The following RPS6KC1 variants were observed in gnomAD, a reference collection of about 807,000 sequenced individuals.
RPS6KC1 encodes the protein inactive ribosomal protein S6 kinase delta-1.
Under a neutral mutation model 103.8 loss-of-function variants are expected in RPS6KC1, and 54 were observed. The observed-to-expected ratio is 0.52, with a 90% CI of 0.42 to 0.65. The LOEUF is 0.65. RPS6KC1 is among the 30% of genes least tolerant of loss of function. The probability of loss-of-function intolerance (pLI) is 0.00; values close to 1 mark genes in which losing one functional copy is unlikely to be tolerated. For missense variants in RPS6KC1, 1,151 were observed against 1,253.8 expected (o/e 0.92, Z 1.24); for synonymous variants, 439 against 438.7 (o/e 1.00, Z -0.01).
chr1:213,237,701 A>G (rs1183024097), intron 10 of RPS6KC1, among the ~76,000 whole-genome samples: 1 of 152,118 alleles, frequency 6.6e-6, no homozygotes, highest in Non-Finnish European at 1.5e-5. Flanking sequence ...TAGAAAAACA[A>G]TAGACTTAAA....
intron 8 of RPS6KC1, among the ~76,000 whole-genome samples, chr1:213,191,238 A>G (rs2817976): frequency 0.73 from 111,038 of 152,042 alleles, 41,380 homozygotes; most frequent in African/African-American, 0.88. Flanking sequence ...CCTTTAGTGT[A>G]GTTATTTTAA....
At chr1:213,061,093 C>T (rs764075826) in intron 1 of RPS6KC1, among the ~76,000 whole-genome samples, 3 of 152,092 alleles carry the variant, frequency 2.0e-5, no homozygotes, top group East Asian at 1.9e-4. Flanking sequence ...TTCTTGTAAG[C>T]GCAGTAATCC....
chr1:213,611,843 A>G, the RPS6KC1 span, among the ~76,000 whole-genome samples: 9 of 152,304 alleles, frequency 5.9e-5, no homozygotes, highest in African/African-American at 1.9e-4. Context: ...TGTTATCACT[A>G]TTATAAGGTG....
At chr1:213,770,131 A>T in the RPS6KC1 span, among the ~76,000 whole-genome samples, 1 of 152,204 alleles carries the variant, frequency 6.6e-6, no homozygotes, top group Non-Finnish European at 1.5e-5. Context: ...TGGGTTTTTT[A>T]AAATTCCTGA....
At chr1:213,604,129 C>A in the RPS6KC1 span, among the ~76,000 whole-genome samples, 1 of 152,186 alleles carries the variant, frequency 6.6e-6, no homozygotes, top group African/African-American at 2.4e-5. Flanking sequence ...AAATGACAAT[C>A]AGCTAGACTC....
the RPS6KC1 span, among the ~76,000 whole-genome samples, chr1:213,312,329 A>G: frequency 6.6e-5 from 10 of 152,096 alleles, no homozygotes; most frequent in African/African-American, 2.4e-4. Flanking sequence ...GCAGAAAATG[A>G]CTTGAGGTGA....
At chr1:213,737,521 T>A in the RPS6KC1 span, among the ~76,000 whole-genome samples, 3 of 152,196 alleles carry the variant, frequency 2.0e-5, no homozygotes, top group Non-Finnish European at 4.4e-5. Flanking sequence ...TGAAAACAGC[T>A]TATGTCAATG....
chr1:213,420,622 C>T, the RPS6KC1 span, among the ~76,000 whole-genome samples: 4 of 152,126 alleles, frequency 2.6e-5, no homozygotes, highest in African/African-American at 7.2e-5. Context: ...GTCTGCTTCA[C>T]GGCCCATTCC....
intron 6 of RPS6KC1, among the ~76,000 whole-genome samples, chr1:213,154,511 A>G (rs1289704956): frequency 1.3e-5 from 2 of 152,218 alleles, no homozygotes; most frequent in East Asian, 1.9e-4. Context: ...CTGAAGGCAG[A>G]CAAGCCTTAC....
the RPS6KC1 span, among the ~76,000 whole-genome samples, chr1:213,496,685 G>GA: frequency 1.6e-4 from 24 of 152,120 alleles, no homozygotes; most frequent in Non-Finnish European, 3.1e-4. Flanking sequence ...TTGAACCCAG[G>GA]AGGCGGAGGT....
chr1:213,327,270 C>G, the RPS6KC1 span, among the ~76,000 whole-genome samples: 1 of 62,534 alleles, frequency 1.6e-5, no homozygotes, highest in Non-Finnish European at 4.6e-5. Context: ...GAAAGAAGCT[C>G]TATTTTCCAA....
chr1:213,790,044 T>A, the RPS6KC1 span, among the ~76,000 whole-genome samples: 1 of 152,170 alleles, frequency 6.6e-6, no homozygotes, highest in Admixed American at 6.5e-5. Flanking sequence ...TCCTTAAGCA[T>A]CCAGCCTAAT....
the RPS6KC1 span, among the ~76,000 whole-genome samples, chr1:213,662,289 A>G: frequency 4.0e-5 from 6 of 151,608 alleles, no homozygotes. Context: ...TTTTTTTGAG[A>G]CAGAATCTTG....
the RPS6KC1 span, among the ~76,000 whole-genome samples, chr1:213,719,361 G>A: frequency 1.3e-5 from 2 of 152,164 alleles, no homozygotes; most frequent in Admixed American, 6.5e-5. Flanking sequence ...CTAAGTGGAG[G>A]GGAAACCAAC....
At chr1:213,063,534 A>G (rs1290714060) in intron 1 of RPS6KC1, among the ~76,000 whole-genome samples, 2 of 152,224 alleles carry the variant, frequency 1.3e-5, no homozygotes, top group Admixed American at 6.5e-5. Context: ...TTCTAAATTC[A>G]TAATTTGCTG....
At chr1:213,596,740 T>C in the RPS6KC1 span, among the ~76,000 whole-genome samples, 3 of 152,262 alleles carry the variant, frequency 2.0e-5, no homozygotes, top group Admixed American at 6.5e-5. Context: ...CATTTGGCTT[T>C]ATAACTTTCA....
chr1:213,580,515 A>G, the RPS6KC1 span, among the ~76,000 whole-genome samples: 1 of 152,114 alleles, frequency 6.6e-6, no homozygotes, highest in African/African-American at 2.4e-5. Flanking sequence ...GATTGATTTC[A>G]ATTTTTACAG....
intron 10 of RPS6KC1, among the ~76,000 whole-genome samples, chr1:213,238,440 C>T (rs1036822321): frequency 3.9e-5 from 6 of 152,166 alleles, no homozygotes; most frequent in East Asian, 1.9e-4. Context: ...AATGCCTATG[C>T]GGAGTTGGTA....
the RPS6KC1 span, among the ~76,000 whole-genome samples, chr1:213,561,272 T>C: frequency 1.3e-5 from 2 of 152,206 alleles, no homozygotes; most frequent in Admixed American, 1.3e-4. Flanking sequence ...ACCACAGATA[T>C]ACTGTAAATC....
Sources: gnomAD v4.1 joint callset for allele counts (sites outside exome capture counted in the v4.1 genomes callset) on GRCh38, gnomAD v4.1.1 for gene constraint, MANE v1.5 for transcripts, NCBI Gene and HGNC (gene_info 2026-07-23, HGNC 2026-07-21) for gene names.